The following LYRM7 variants were observed in gnomAD, a reference collection of about 807,000 sequenced individuals.
LYRM7 encodes the protein LYR motif containing 7.
A neutral mutation model predicts 15.8 loss-of-function variants in LYRM7; 9 were observed. The ratio of observed to expected loss-of-function variants is 0.57; its 90% CI spans 0.34 to 0.99. LYRM7 has a LOEUF of 0.99. Ranked by LOEUF, LYRM7 falls within the 50% of genes least tolerant of loss-of-function variation. LYRM7 has a pLI of 0.02. For missense variants in LYRM7, 115 were observed against 119.1 expected (o/e 0.97, Z 0.16); for synonymous variants, 39 against 39.4 (o/e 0.99, Z 0.04).
Position 131,171,016 on chromosome 5 carries a change from G to C in LYRM7, c.-5G>C. On this transcript the variant is annotated 5_prime_UTR_variant, in exon 1 of 5. Transcript: ENST00000379380. ...CTGGAGGTAGCGGCCGCGGTGAGGAGAGCCATGGGACGGGCAGTCAAGGTG... is the reference window on the plus strand; with the variant it reads ...CTGGAGGTAGCGGCCGCGGTGAGGACAGCCATGGGACGGGCAGTCAAGGTG... 6.5e-7 allele frequency: 1 copy of C among 1,542,616 alleles called. No individual in the cohort carries two copies. Among genetic ancestry groups the C allele is most frequent in the Non-Finnish European group, 8.7e-7 (1 of 1,152,378 alleles).
intron 4 of LYRM7, among the ~76,000 whole-genome samples, chr5:131,198,884 T>G (rs1253988354): frequency 6.6e-6 from 1 of 152,118 alleles, no homozygotes; most frequent in African/African-American, 2.4e-5. Flanking sequence ...AATTTGTATC[T>G]TAAGAGCTTT....
intron 4 of LYRM7, among the ~76,000 whole-genome samples, chr5:131,195,563 A>G (rs1755950852): frequency 6.6e-6 from 1 of 152,158 alleles, no homozygotes; most frequent in East Asian, 1.9e-4. Context: ...CAAAGATTAG[A>G]TATATGATTC....
At chr5:131,181,294 A>ATATATATATATATAT (rs1221861213) in intron 2 of LYRM7, among the ~76,000 whole-genome samples, 1 of 16,442 alleles carries the variant, frequency 6.1e-5, no homozygotes, top group African/African-American at 1.5e-4. Flanking sequence ...AAAAAAAAAA[A>ATATATATATATATAT]AAAAAAAAAT....
intron 3 of LYRM7, among the ~76,000 whole-genome samples, chr5:131,183,330 A>G (rs1299761480): frequency 2.0e-5 from 3 of 152,214 alleles, no homozygotes; most frequent in African/African-American, 7.2e-5. Context: ...GCAGAAATTA[A>G]AATGACCATA....
intron 4 of LYRM7, among the ~76,000 whole-genome samples, chr5:131,196,122 G>C (rs1448985580): frequency 7.4e-6 from 1 of 134,570 alleles, no homozygotes; most frequent in African/African-American, 2.9e-5. Context: ...TTTTTTTTTG[G>C]AGATAGAGTG....
Position 131,202,358 on chromosome 5 carries a change from G to T in LYRM7, c.*2757G>T, listed in dbSNP as rs72787011. 0.1 allele frequency: 15,133 copies of T among 152,008 alleles called. 936 individuals are homozygous for T. Among genetic ancestry groups the T allele is most frequent in the South Asian group, 0.14 (669 of 4,810 alleles). The allele number at this position is 152,008 out of a possible 1,614,324, so 9.4% of individuals were successfully genotyped here. A position where few individuals can be genotyped will look rare whatever the true frequency, so the allele number is the denominator to read the frequency against. On this transcript the variant is annotated 3_prime_UTR_variant, in exon 5 of 5. Coordinates refer to ENST00000379380, the MANE Select transcript of LYRM7 (RefSeq NM_181705.4). ...AAAAATGCAAAATTAGCAGGACATG[G>T]TGATACACACCTGTAATCCCAGCTA...
intron 4 of LYRM7, among the ~76,000 whole-genome samples, chr5:131,191,892 G>A (rs1755891397): frequency 6.6e-6 from 1 of 152,028 alleles, no homozygotes; most frequent in South Asian, 2.1e-4. Flanking sequence ...CCTCTACTGA[G>A]TATGTATCCA....
At chr5:131,172,471 A>G (rs902698929) in intron 1 of LYRM7, among the ~76,000 whole-genome samples, 1 of 152,256 alleles carries the variant, frequency 6.6e-6, no homozygotes, top group Admixed American at 6.5e-5. Context: ...ACGTTTGATT[A>G]GAAATTAGCT....
intron 4 of LYRM7, among the ~76,000 whole-genome samples, chr5:131,190,904 A>G (rs1755875935): frequency 6.6e-6 from 1 of 152,164 alleles, no homozygotes; most frequent in Admixed American, 6.6e-5. Flanking sequence ...AGTATAGCCA[A>G]CATTTTATAC....
intron 1 of LYRM7, among the ~76,000 whole-genome samples, chr5:131,173,437 A>G (rs766018865): frequency 7.2e-5 from 11 of 152,238 alleles, no homozygotes; most frequent in Non-Finnish European, 1.6e-4. Context: ...GTGCAGTAGC[A>G]TTATGTCTTT....
chr5:131,190,445 T>G (rs1471259524), intron 4 of LYRM7, among the ~76,000 whole-genome samples: 3 of 151,526 alleles, frequency 2.0e-5, no homozygotes, highest in African/African-American at 7.3e-5. Context: ...CCGCCTGCCT[T>G]GGCCTCCCAA....
chr5:131,197,540 TC>T (rs1755985378), intron 4 of LYRM7, among the ~76,000 whole-genome samples: 2 of 86,900 alleles, frequency 2.3e-5, no homozygotes, highest in Non-Finnish European at 4.5e-5. Context: ...TTGTCTTCTG[TC>T]TTTTTTTTTT....
In LYRM7 at chr5:131,199,550, C is replaced by A. The variant is rs199579347; in HGVS notation, c.264C>A (p.Asp88Glu). 7.1e-5 allele frequency: 114 copies of A among 1,601,044 alleles called. No individual in the cohort carries two copies. The Middle Eastern group carries it at 1.5e-3, about 21-fold the overall frequency. Reference protein sequence around the residue: ...HNTLKLVPRKDLLVENVPYCD... With the variant: ...HNTLKLVPRKELLVENVPYCD... ...TTTCAGAACTGGTCCCTAGGAAAGA[C>A]CTTCTTGTAGAAAATGTGCCATATT... The change falls in exon 5 of 5, where the codon GAC becomes GAA. Residue 88 changes from aspartate (D) to glutamate (E), a missense_variant. Physicochemically the swap from Asp to Glu is conservative, Grantham distance 45 (BLOSUM62 2). Coordinates refer to ENST00000379380, the MANE Select transcript of LYRM7 (RefSeq NM_181705.4).
intron 3 of LYRM7, among the ~76,000 whole-genome samples, chr5:131,182,823 GA>G (rs1270397259): frequency 6.6e-6 from 1 of 152,020 alleles, no homozygotes; most frequent in African/African-American, 2.4e-5. Context: ...ACTCCTAGTA[GA>G]AGTTTATTGA....
intron 1 of LYRM7, among the ~76,000 whole-genome samples, chr5:131,176,520 GTT>G (rs60566113): frequency 0.18 from 25,634 of 140,742 alleles, 5,531 homozygotes; most frequent in African/African-American, 0.52. Context: ...CCATTTATGG[GTT>G]TTTTTTTTTT....
At chr5:131,181,302 A>AAT (rs1561544194) in intron 2 of LYRM7, among the ~76,000 whole-genome samples, 750 of 8,766 alleles carry the variant, frequency 0.086, 81 homozygotes, top group Non-Finnish European at 0.2. Flanking sequence ...AAAAAAAAAA[A>AAT]ATATATATAT....
Position 131,202,103 on chromosome 5 carries a change from G to A in LYRM7, c.*2502G>A, listed in dbSNP as rs922915345. On this transcript the variant is annotated 3_prime_UTR_variant, in exon 5 of 5. Coordinates refer to ENST00000379380, the MANE Select transcript of LYRM7 (RefSeq NM_181705.4). ...CCCACCTCAGCCTCCCAAAGTGCTGGGATTACAGGTGTAAGCCACTGCACC... is the reference window on the plus strand; with the variant it reads ...CCCACCTCAGCCTCCCAAAGTGCTGAGATTACAGGTGTAAGCCACTGCACC... 1 of 151,758 alleles carries A rather than the reference G, an allele frequency of 6.6e-6. No individual in the cohort carries two copies. The highest frequency in any genetic ancestry group is 2.4e-5 in the African/African-American group (1 of 41,290). The allele number at this position is 151,758 out of a possible 1,614,324, so 9.4% of individuals were successfully genotyped here. A position where few individuals can be genotyped will look rare whatever the true frequency, so the allele number is the denominator to read the frequency against.
intron 2 of LYRM7, among the ~76,000 whole-genome samples, 197 bp from the exon 3 acceptor site, chr5:131,182,032 T>C (rs1294391055): frequency 6.6e-6 from 1 of 152,170 alleles, no homozygotes; most frequent in Non-Finnish European, 1.5e-5. Flanking sequence ...ATAGTAGGTT[T>C]ACCTACAAAC....
intron 1 of LYRM7, among the ~76,000 whole-genome samples, chr5:131,175,553 G>C (rs945140621): frequency 3.3e-5 from 5 of 150,958 alleles, no homozygotes; most frequent in Admixed American, 2.0e-4. Flanking sequence ...GTTTTGTTTT[G>C]AGACAGGGTC....
Sources: gnomAD v4.1 joint callset for allele counts (sites outside exome capture counted in the v4.1 genomes callset) on GRCh38, gnomAD v4.1.1 for gene constraint, MANE v1.5 for transcripts, NCBI Gene and HGNC (gene_info 2026-07-23, HGNC 2026-07-21) for gene names.